NSF: variants seen among roughly 807,000 people sequenced by gnomAD.
NSF encodes the protein vesicle-fusing ATPase.
Under a neutral mutation model 50.3 loss-of-function variants are expected in NSF, and 14 were observed. That is an observed-to-expected ratio of 0.28 (90% confidence interval 0.18 to 0.44). NSF has a LOEUF of 0.44. Among genes scored for constraint, NSF ranks in the 20% least tolerant of loss-of-function variants. NSF has a pLI of 1.00. For synonymous variants in NSF, 109 were observed against 175.7 expected, an observed-to-expected ratio of 0.62 and a Z score of 3.00; for missense variants, 218 against 504.3, an observed-to-expected ratio of 0.43 and a Z score of 5.44.
At chr17:46,740,274 G>A (rs1338445931) in intron 17 of NSF, among the ~76,000 whole-genome samples, 1 of 152,218 alleles carries the variant, frequency 6.6e-6, no homozygotes, top group Non-Finnish European at 1.5e-5. Context: ...AAGGAGCAAT[G>A]TGGGCTCTGT....
At chr17:46,605,987 TAAAAA>T in intron 1 of NSF, among the ~76,000 whole-genome samples, 1 of 27,214 alleles carries the variant, frequency 3.7e-5, no homozygotes, top group East Asian at 2.5e-3. Flanking sequence ...TCGTCTCTAC[TAAAAA>T]TACAAAAAAA....
chr17:46,756,113 C>T lies in NSF; in HGVS notation c.*290C>T, dbSNP rs2059231116. The stretch of plus-strand genomic sequence containing the variant: ...CCCTCTGGGTGGGAACCATCCAGTA[C>T]TTGTGGACACTACACGTTTCAACCT... On this transcript the variant is annotated 3_prime_UTR_variant, in exon 21 of 21. Coordinates refer to ENST00000398238, the MANE Select transcript of NSF (RefSeq NM_006178.4). The T allele has an allele frequency of 2.9e-6, 1 of 340,664 alleles. No individual in the cohort carries two copies. 21.1% of individuals were successfully genotyped at this position (340,664 alleles called of 1,614,324 possible). A position where few individuals can be genotyped will look rare whatever the true frequency, so the allele number is the denominator to read the frequency against.
At chr17:46,732,475 A>G (rs2058959729) in intron 17 of NSF, among the ~76,000 whole-genome samples, 1 of 151,472 alleles carries the variant, frequency 6.6e-6, no homozygotes, top group South Asian at 2.1e-4. Context: ...TTCAAGTCAG[A>G]TTTCAGTTAC....
intron 9 of NSF, among the ~76,000 whole-genome samples, chr17:46,681,448 C>G (rs1252162352): frequency 7.3e-6 from 1 of 136,238 alleles, no homozygotes; most frequent in Non-Finnish European, 1.6e-5. Context: ...TGTGATAGTG[C>G]CACTGCACTC....
chr17:46,730,680 G>C (rs995094258), intron 17 of NSF, among the ~76,000 whole-genome samples: 5 of 152,110 alleles, frequency 3.3e-5, no homozygotes, highest in African/African-American at 7.2e-5. Context: ...AAATTTTTCA[G>C]TGTCTTTTCA....
intron 17 of NSF, among the ~76,000 whole-genome samples, chr17:46,737,309 A>T (rs1337477655): frequency 6.6e-6 from 1 of 152,204 alleles, no homozygotes; most frequent in East Asian, 1.9e-4. Context: ...GAGTAAGGTT[A>T]CCAGATTTAG....
chr17:46,679,692 C>CA (rs140927640), intron 9 of NSF, among the ~76,000 whole-genome samples: 19,925 of 101,274 alleles, frequency 0.2, 1,761 homozygotes, highest in Non-Finnish European at 0.27. Flanking sequence ...AACTCCATGT[C>CA]AAAAAAAAAA....
rs569215683 is a variant in NSF at position 46,722,316 on chromosome 17, C to T, written c.1762-4233C>T. ...CCTTCTTACCTCCAGCCTCAGTCCTCCTGGCATCTTCTGTGTTGGGGCATC... is the reference window on the plus strand; with the variant it reads ...CCTTCTTACCTCCAGCCTCAGTCCTTCTGGCATCTTCTGTGTTGGGGCATC... On this transcript the variant is annotated intron_variant, in intron 15 of 20. Coordinates refer to ENST00000398238, the MANE Select transcript of NSF (RefSeq NM_006178.4). The T allele has an allele frequency of 3.2e-5, 23 of 715,602 alleles. No homozygotes were observed. In the South Asian group the frequency reaches 3.6e-4, roughly 11 times the overall value. The allele number at this position is 715,602 out of a possible 1,614,324, so 44.3% of individuals were successfully genotyped here.
chr17:46,709,536 C>A (rs2058696935), intron 13 of NSF, among the ~76,000 whole-genome samples: 1 of 151,670 alleles, frequency 6.6e-6, no homozygotes, highest in Non-Finnish European at 1.5e-5. Flanking sequence ...GCTGTGTCTC[C>A]CAGGCTGGAG....
chr17:46,753,381 T>C (rs1035737494), intron 19 of NSF, among the ~76,000 whole-genome samples: 6 of 152,230 alleles, frequency 3.9e-5, no homozygotes, highest in African/African-American at 9.6e-5. Context: ...AAAATAAAAT[T>C]TTTTTGACTT....
chr17:46,601,748 T>TG (rs2057912631), intron 1 of NSF, among the ~76,000 whole-genome samples: 1 of 150,592 alleles, frequency 6.6e-6, no homozygotes, highest in Non-Finnish European at 1.5e-5. Flanking sequence ...TCAATAACAC[T>TG]GTTTTAATTG....
In NSF at chr17:46,649,464, C is replaced by T. The variant is rs529371162; in HGVS notation, c.745+6205C>T. 8.5e-4 allele frequency among the ~76,000 whole-genome samples: 130 copies of T among 152,134 alleles called. No homozygotes were observed. In the Middle Eastern group the frequency reaches 0.01, roughly 12 times the overall value. On this transcript the variant is annotated intron_variant, in intron 8 of 20. Coordinates refer to ENST00000398238, the MANE Select transcript of NSF (RefSeq NM_006178.4). ...AGCTTCTGACATTTGAGGAACTGGG[C>T]GTGAATTTGTTTTTAGTCTTCAAAA...
intron 17 of NSF, among the ~76,000 whole-genome samples, chr17:46,748,117 AT>A (rs1389095181): frequency 3.3e-5 from 5 of 151,920 alleles, no homozygotes; most frequent in Non-Finnish European, 7.4e-5. Context: ...TTATTTATTT[AT>A]TTTTTTGAGA....
chr17:46,735,701 T>G (rs982422312), intron 17 of NSF, among the ~76,000 whole-genome samples: 5 of 152,122 alleles, frequency 3.3e-5, no homozygotes, highest in Non-Finnish European at 5.9e-5. Context: ...TCCCAGCACT[T>G]TGGGAGGCTG....
chr17:46,708,196 C>T (rs760783044), intron 13 of NSF, among the ~76,000 whole-genome samples: 5 of 152,058 alleles, frequency 3.3e-5, no homozygotes, highest in South Asian at 2.1e-4. Flanking sequence ...TTAGTTCTTT[C>T]GGGTATATAC....
At chr17:46,676,233 CTT>C (rs140135606) in intron 9 of NSF, among the ~76,000 whole-genome samples, 28 of 135,584 alleles carry the variant, frequency 2.1e-4, no homozygotes, top group Non-Finnish European at 1.9e-4. Flanking sequence ...AATTCTTCTT[CTT>C]TTTTTTTTTT....
At chr17:46,714,010 T>G (rs1356628934) in intron 15 of NSF, 24 bp downstream of exon 15, 1 of 1,594,750 alleles carries the variant, frequency 6.3e-7, no homozygotes, top group East Asian at 2.2e-5. Flanking sequence ...ACTTTCATTT[T>G]AATTTCCTAT....
intron 15 of NSF, among the ~76,000 whole-genome samples, chr17:46,724,599 C>T (rs750089130): frequency 8.5e-5 from 13 of 152,166 alleles, no homozygotes; most frequent in African/African-American, 1.9e-4. Context: ...CCTGTGCCCC[C>T]GTATCATCTT....
chr17:46,744,503 GAATGATATGGAAAGAATGGCCTTTC>G (rs2059108435), intron 17 of NSF, among the ~76,000 whole-genome samples: 1 of 152,066 alleles, frequency 6.6e-6, no homozygotes, highest in Non-Finnish European at 1.5e-5. Flanking sequence ...GCTCAGCATT[GAATGATATGGAAAGAATGGCCTTTC>G]TTTCCTGCAT....
Sources: gnomAD v4.1 joint callset for allele counts (sites outside exome capture counted in the v4.1 genomes callset) on GRCh38, gnomAD v4.1.1 for gene constraint, MANE v1.5 for transcripts, NCBI Gene and HGNC (gene_info 2026-07-23, HGNC 2026-07-21) for gene names.